The following GNA12 variants were observed in gnomAD, a reference collection of about 807,000 sequenced individuals.
GNA12 encodes the protein guanine nucleotide-binding protein subunit alpha-12.
A neutral mutation model predicts 26.0 loss-of-function variants in GNA12; 9 were observed. That is an observed-to-expected ratio of 0.35 (90% CI 0.21 to 0.60). The LOEUF (loss-of-function observed/expected upper bound fraction) is 0.60. GNA12 is among the 20% of genes least tolerant of loss of function. The pLI, the probability that GNA12 is intolerant of heterozygous loss-of-function variation, is 0.78. For synonymous variants in GNA12, 264 were observed against 219.6 expected (o/e 1.20, Z -1.79); for missense variants, 405 against 525.8 (o/e 0.77, Z 2.25).
chr7:2,836,431 ATGACAAGGCAG>A (rs1291658203), intron 1 of GNA12, among the ~76,000 whole-genome samples: 1 of 152,234 alleles, frequency 6.6e-6, no homozygotes, highest in African/African-American at 2.4e-5. Flanking sequence ...GACTTGAGGG[ATGACAAGGCAG>A]TGAGTTCTCT....
At chr7:2,840,407 CA>C (rs749474832) in intron 1 of GNA12, among the ~76,000 whole-genome samples, 1 of 152,206 alleles carries the variant, frequency 6.6e-6, no homozygotes, top group Non-Finnish European at 1.5e-5. Flanking sequence ...GAAAATTCAA[CA>C]CCATATTTGA....
intron 2 of GNA12, among the ~76,000 whole-genome samples, chr7:2,784,348 G>A (rs768727886): frequency 6.6e-5 from 10 of 152,112 alleles, no homozygotes; most frequent in Non-Finnish European, 1.0e-4. Context: ...TTGAACTCTG[G>A]ACTCAAGCAA....
chr7:2,821,553 C>A (rs941644473), intron 1 of GNA12, among the ~76,000 whole-genome samples: 2 of 152,220 alleles, frequency 1.3e-5, no homozygotes, highest in East Asian at 3.8e-4. Flanking sequence ...CAACTCCAAA[C>A]GAACTCACTG....
At chr7:2,741,841 G>C (rs1319713431) in intron 2 of GNA12, among the ~76,000 whole-genome samples, 1 of 150,612 alleles carries the variant, frequency 6.6e-6, no homozygotes, top group South Asian at 2.1e-4. Flanking sequence ...GCAAGGATAA[G>C]AGTATTCATC....
rs760102304 is a variant in GNA12 at position 2,731,382 on chromosome 7, C to T, written c.945G>A (p.Pro315=). The T allele has an allele frequency of 1.3e-5, 21 of 1,613,312 alleles. No individual in the cohort carries two copies. Among genetic ancestry groups the T allele is most frequent in the Admixed American group, 5.0e-5 (3 of 59,946 alleles). Residue 315 remains proline (P), a synonymous_variant, in exon 4 of 4, where the codon CCG becomes CCA. Coordinates refer to ENST00000275364, the MANE Select transcript of GNA12 (RefSeq NM_007353.3). The surrounding 1 kb of genome is among the most constrained non-coding windows in gnomAD (Gnocchi z 6.0). ...GCCTGTGCGGGTCGCCCCTGAAGTC[C>T]GGGAAGTGCTTCTTGATGCTCACGG... ...VKTVSIKKHF[P]DFRGDPHRLE...
In GNA12 at chr7:2,753,742, T is replaced by A. The variant is rs571571798; in HGVS notation, c.526-20241A>T. ...GGGCTGTATAAGTGTATGTTTAATT[T>A]TTTTTTCCTTTTAATTACATTTATT... On this transcript the variant is annotated intron_variant, in intron 2 of 3. Transcript: ENST00000275364. Among the ~76,000 whole-genome samples the A allele has an allele frequency of 9.7e-4, 148 of 152,316 alleles. 1 individual carries two copies. The highest frequency in any genetic ancestry group is 3.5e-3 in the African/African-American group (147 of 41,560).
intron 2 of GNA12, chr7:2,763,100 C>T (rs1791646159): frequency 8.0e-7 from 1 of 1,251,130 alleles, no homozygotes; most frequent in Non-Finnish European, 1.0e-6. Flanking sequence ...AGACCACAAG[C>T]AGCCTCTGAA....
At position 2,745,933 on chromosome 7, in the gene GNA12, A is replaced by G. The variant is rs1290967321; in HGVS notation, c.526-12432T>C. On this transcript the variant is annotated intron_variant, in intron 2 of 3. Coordinates refer to ENST00000275364, the MANE Select transcript of GNA12 (RefSeq NM_007353.3). ...CAAAAGAGACAAAGAAGGCCATTAC[A>G]TAATGGTAAAGCGATCAATTCAACA... 2.6e-5 allele frequency among the ~76,000 whole-genome samples: 4 copies of G among 152,212 alleles called. No individual in the cohort carries two copies. The South Asian group carries it at 8.3e-4, about 31-fold the overall frequency.
chr7:2,746,080 A>T (rs1790749148), intron 2 of GNA12, among the ~76,000 whole-genome samples: 1 of 152,184 alleles, frequency 6.6e-6, no homozygotes, highest in African/African-American at 2.4e-5. Flanking sequence ...GGGAGACTTT[A>T]ACACCCCACT....
intron 2 of GNA12, among the ~76,000 whole-genome samples, chr7:2,768,133 G>A (rs1262416021): frequency 6.6e-6 from 1 of 152,200 alleles, no homozygotes; most frequent in Non-Finnish European, 1.5e-5. Context: ...GGGATTACAG[G>A]CATGAGCTAC....
chr7:2,771,021 T>G (rs1254470855), intron 2 of GNA12, among the ~76,000 whole-genome samples: 1 of 152,226 alleles, frequency 6.6e-6, no homozygotes, highest in African/African-American at 2.4e-5. Flanking sequence ...CCAGGCGCCG[T>G]GGCTCACACC....
At chr7:2,781,828 ACTC>A (rs1328098138) in intron 2 of GNA12, among the ~76,000 whole-genome samples, 1 of 152,152 alleles carries the variant, frequency 6.6e-6, no homozygotes, top group Non-Finnish European at 1.5e-5. Context: ...TGACATCATT[ACTC>A]CTCAAGGGAA....
intron 2 of GNA12, among the ~76,000 whole-genome samples, chr7:2,744,342 A>G (rs1790661636): frequency 6.6e-6 from 1 of 152,224 alleles, no homozygotes; most frequent in South Asian, 2.1e-4. Context: ...ACGATCAGGC[A>G]GCAGCATTTG....
intron 2 of GNA12, among the ~76,000 whole-genome samples, chr7:2,735,859 G>A (rs1398741258): frequency 6.6e-6 from 1 of 152,266 alleles, no homozygotes; most frequent in Middle Eastern, 3.4e-3. Flanking sequence ...AGGTGCCAGG[G>A]ACTGTGCCAC....
chr7:2,840,939 G>A (rs189473405), intron 1 of GNA12, among the ~76,000 whole-genome samples: 2 of 152,290 alleles, frequency 1.3e-5, no homozygotes, highest in Non-Finnish European at 2.9e-5. Flanking sequence ...TGAAGAGGAG[G>A]AAACGATTTT....
Position 2,733,586 on chromosome 7 carries a change from C to T in GNA12, c.526-85G>A. 8 of 1,053,004 alleles carry T rather than the reference C, an allele frequency of 7.6e-6. No homozygotes were observed. The South Asian group carries it at 1.1e-4, about 14-fold the overall frequency. The allele number at this position is 1,053,004 out of a possible 1,614,324, so 65.2% of individuals were successfully genotyped here. On this transcript the variant is annotated intron_variant, in intron 2 of 3. Coordinates refer to ENST00000275364, the MANE Select transcript of GNA12 (RefSeq NM_007353.3). ...ATACAAGAACTGAACAGGGTAAGAG[C>T]AGTGGCATTTCGCCTCCGTGTGAAT...
intron 2 of GNA12, among the ~76,000 whole-genome samples, chr7:2,791,913 G>C (rs974615383): frequency 6.6e-6 from 1 of 152,156 alleles, no homozygotes; most frequent in African/African-American, 2.4e-5. Context: ...AGGAATAACA[G>C]TCATGCACCC....
intron 2 of GNA12, among the ~76,000 whole-genome samples, chr7:2,764,166 G>A (rs375340674): frequency 1.3e-5 from 2 of 152,018 alleles, no homozygotes; most frequent in Non-Finnish European, 2.9e-5. Context: ...AAACTGAAGT[G>A]GGCTCAAGTG....
chr7:2,748,713 A>G (rs1168284513), intron 2 of GNA12, among the ~76,000 whole-genome samples: 6 of 152,200 alleles, frequency 3.9e-5, no homozygotes, highest in African/African-American at 7.2e-5. Flanking sequence ...TACCATCAGC[A>G]TGAACAGGCA....
Sources: gnomAD v4.1 joint callset for allele counts (sites outside exome capture counted in the v4.1 genomes callset) on GRCh38, gnomAD v4.1.1 for gene constraint, Gnocchi (gnomAD v3.1) non-coding constraint, MANE v1.5 for transcripts, NCBI Gene and HGNC (gene_info 2026-07-23, HGNC 2026-07-21) for gene names.